The following KIF1B variants were observed in gnomAD, a reference collection of about 807,000 sequenced individuals.
KIF1B encodes kinesin-like protein KIF1B.
Under a neutral mutation model 241.9 loss-of-function variants are expected in KIF1B, and 76 were observed. The observed-to-expected ratio is 0.31, with a 90% CI of 0.26 to 0.38. The LOEUF is 0.38. Among genes scored for constraint, KIF1B ranks in the 10% least tolerant of loss-of-function variants. KIF1B has a pLI of 1.00. For missense variants in KIF1B, 1,622 were observed against 2,271.4 expected (o/e 0.71, Z 5.81); for synonymous variants, 750 against 796.7 (o/e 0.94, Z 0.99).
chr1:10,308,755 G>A (rs1467489405), intron 22 of KIF1B, among the ~76,000 whole-genome samples: 1 of 152,144 alleles, frequency 6.6e-6, no homozygotes, highest in Non-Finnish European at 1.5e-5. Context: ...TAGTTTTAAA[G>A]CTTTTGCTTT....
chr1:10,247,188 A>G (rs1571132930), intron 2 of KIF1B, among the ~76,000 whole-genome samples: 1 of 152,216 alleles, frequency 6.6e-6, no homozygotes, highest in Non-Finnish European at 1.5e-5. Context: ...GAATAAAACT[A>G]AAAATCCTCA....
At chr1:10,221,438 T>A (rs1451866741) in intron 1 of KIF1B, among the ~76,000 whole-genome samples, 1 of 152,102 alleles carries the variant, frequency 6.6e-6, no homozygotes, top group Non-Finnish European at 1.5e-5. Flanking sequence ...TTCCACAGCG[T>A]GGCCCATGGT....
intron 12 of KIF1B, 26 bp from the exon 13 acceptor site, chr1:10,277,960 A>C: frequency 3.1e-6 from 5 of 1,609,070 alleles, no homozygotes; most frequent in Non-Finnish European, 4.3e-6. Flanking sequence ...AGAAATGACA[A>C]GAACAAATTT....
At chr1:10,218,394 T>C (rs1571083685) in intron 1 of KIF1B, among the ~76,000 whole-genome samples, 2 of 152,144 alleles carry the variant, frequency 1.3e-5, no homozygotes, top group South Asian at 2.1e-4. Context: ...CACATGGCTA[T>C]TAAATTCATT....
At chr1:10,215,827 G>T (rs1253151268) in intron 1 of KIF1B, among the ~76,000 whole-genome samples, 2 of 152,132 alleles carry the variant, frequency 1.3e-5, no homozygotes, top group African/African-American at 4.8e-5. Context: ...AGGATTAAAG[G>T]CATGAGCCCC....
At chr1:10,244,767 C>G (rs574754776) in intron 2 of KIF1B, among the ~76,000 whole-genome samples, 1 of 151,954 alleles carries the variant, frequency 6.6e-6, no homozygotes, top group Non-Finnish European at 1.5e-5. Context: ...CGCCCACCAC[C>G]ACGCCTGGCT....
rs142104422 is a variant in KIF1B at position 10,238,817 on chromosome 1, T to C, written c.106+6383T>C. Among the ~76,000 whole-genome samples, 1,063 of 152,290 alleles carry C rather than the reference T, an allele frequency of 7.0e-3. 42 individuals are homozygous for C. The highest frequency in any genetic ancestry group is 0.066 in the Admixed American group (1,012 of 15,286). On this transcript the variant is annotated intron_variant, in intron 2 of 48. Transcript: ENST00000676179. Reference sequence around the variant, plus strand: ...ATTACTATAACCACATGAAAATAAATGTAAATGCATGTAAATTATGAACAT... The same window carrying C: ...ATTACTATAACCACATGAAAATAAACGTAAATGCATGTAAATTATGAACAT...
At chr1:10,212,773 C>G (rs1417388995) in intron 1 of KIF1B, among the ~76,000 whole-genome samples, 1 of 151,176 alleles carries the variant, frequency 6.6e-6, no homozygotes, top group Non-Finnish European at 1.5e-5. Context: ...GCCTGTATTC[C>G]CAGCTATTTG....
At position 10,359,634 on chromosome 1, in the gene KIF1B, C is replaced by CA. The variant is rs1553169926; in HGVS notation, c.4056-1295_4056-1294insA. Among the ~76,000 whole-genome samples, 33 of 148,404 alleles carry CA rather than the reference C, an allele frequency of 2.2e-4. 2 individuals are homozygous for CA. In the South Asian group the frequency reaches 7.0e-3, roughly 32 times the overall value. On this transcript the variant is annotated intron_variant, in intron 38 of 48. Transcript: ENST00000676179. Reference sequence around the variant, plus strand: ...AATGTAAGATTAATTTTTCAAATGGCTTTTTTTTTTAAGCTAACAAATGGT... The same window carrying CA: ...AATGTAAGATTAATTTTTCAAATGGCATTTTTTTTTTAAGCTAACAAATGGT...
At chr1:10,300,426 A>G (rs1006612502) in intron 22 of KIF1B, among the ~76,000 whole-genome samples, 8 of 151,874 alleles carry the variant, frequency 5.3e-5, no homozygotes, top group Non-Finnish European at 8.8e-5. Context: ...GCAGTATTTT[A>G]AAAAGAAAGA....
chr1:10,378,469 G>C lies in KIF1B; in HGVS notation c.*1882G>C, dbSNP rs1638944619. On this transcript the variant is annotated 3_prime_UTR_variant, in exon 49 of 49. Transcript: ENST00000676179. ...TTCAGTTGCTTTGCCAGTTGTCTTG[G>C]GATTGTTTTACACCATCCTTTACTT... 3 of 717,290 alleles carry C rather than the reference G, an allele frequency of 4.2e-6. No homozygotes were observed. Among genetic ancestry groups the C allele is most frequent in the Non-Finnish European group, 7.8e-6 (3 of 385,050 alleles). 44.4% of individuals were successfully genotyped at this position (717,290 alleles called of 1,614,324 possible). A position where few individuals can be genotyped will look rare whatever the true frequency, so the allele number is the denominator to read the frequency against.
intron 22 of KIF1B, among the ~76,000 whole-genome samples, chr1:10,314,639 C>T (rs1651224028): frequency 4.0e-5 from 6 of 151,302 alleles, no homozygotes; most frequent in Middle Eastern, 6.8e-3. Context: ...GGACTGGTCT[C>T]AAACTCCTGA....
At chr1:10,248,345 G>A (rs775545680) in intron 2 of KIF1B, among the ~76,000 whole-genome samples, 1 of 151,840 alleles carries the variant, frequency 6.6e-6, no homozygotes, top group Non-Finnish European at 1.5e-5. Context: ...GACTACAGGC[G>A]CACGCTACCA....
At chr1:10,243,534 C>T (rs951659659) in intron 2 of KIF1B, among the ~76,000 whole-genome samples, 9 of 152,152 alleles carry the variant, frequency 5.9e-5, no homozygotes, top group Non-Finnish European at 1.2e-4. Flanking sequence ...TGAATCCTTG[C>T]AATAATTATA....
At chr1:10,361,639 T>A in intron 39 of KIF1B, 53 bp from the exon 40 acceptor site, 1 of 1,607,994 alleles carries the variant, frequency 6.2e-7, no homozygotes. Flanking sequence ...GTATAGACTC[T>A]AGTCACAGTA....
At chr1:10,240,779 G>A (rs1244531743) in intron 2 of KIF1B, among the ~76,000 whole-genome samples, 2 of 141,180 alleles carry the variant, frequency 1.4e-5, no homozygotes, top group Non-Finnish European at 3.0e-5. Context: ...GCCCAGGCTG[G>A]TCTTGAATTC....
At chr1:10,224,982 A>G (rs929844969) in intron 1 of KIF1B, among the ~76,000 whole-genome samples, 2 of 152,114 alleles carry the variant, frequency 1.3e-5, no homozygotes, top group Non-Finnish European at 2.9e-5. Flanking sequence ...GGAGTGTGCA[A>G]CCTAGATCCC....
intron 7 of KIF1B, among the ~76,000 whole-genome samples, chr1:10,270,097 C>T (rs1334899889): frequency 6.6e-6 from 1 of 152,098 alleles, no homozygotes; most frequent in African/African-American, 2.4e-5. Flanking sequence ...TTGAAGTATA[C>T]AGTAAATGGC....
In KIF1B at chr1:10,377,965, A is replaced by AGT; in HGVS notation, c.*1380_*1381dup. On this transcript the variant is annotated 3_prime_UTR_variant, in exon 49 of 49. Coordinates refer to ENST00000676179, the MANE Select transcript of KIF1B (RefSeq NM_001365951.3). ...AAAAAAAAAAATAATAATGCTGGGTAGTGACCTTGTGATTGTTACAGCTCC... is the reference window on the plus strand; with the variant it reads ...AAAAAAAAAAATAATAATGCTGGGTAGTGTGACCTTGTGATTGTTACAGCTCC... 1 of 251,328 alleles carries AGT rather than the reference A, an allele frequency of 4.0e-6. No homozygotes were observed. 15.6% of individuals were successfully genotyped at this position (251,328 alleles called of 1,614,324 possible).
Sources: allele counts gnomAD v4.1 joint callset (sites outside exome capture counted in the v4.1 genomes callset), GRCh38; gene constraint gnomAD v4.1.1; transcripts MANE v1.5; gene names NCBI Gene and HGNC (gene_info 2026-07-23, HGNC 2026-07-21).